The following LGR4 variants were observed in gnomAD, a reference collection of about 807,000 sequenced individuals.
LGR4 encodes leucine-rich repeat-containing G protein-coupled receptor 4.
LGR4 carries 44 observed loss-of-function variants against 84.8 expected under a neutral mutation model. That is an observed-to-expected ratio of 0.52 (90% CI 0.41 to 0.67). The LOEUF is 0.67. LGR4 is among the 30% of genes least tolerant of loss of function. LGR4 has a pLI of 0.00. For missense variants in LGR4, 1,032 were observed against 1,131.4 expected (o/e 0.91, Z 1.26); for synonymous variants, 429 against 434.3 (o/e 0.99, Z 0.15).
chr11:27,423,038 C>T (rs1000384430), intron 1 of LGR4, among the ~76,000 whole-genome samples: 8 of 151,970 alleles, frequency 5.3e-5, no homozygotes, highest in African/African-American at 1.9e-4. Context: ...AATGTTTATA[C>T]ATAACCTGAT....
In LGR4 at chr11:27,382,324, TAC is replaced by T. The variant is rs1163215129; in HGVS notation, c.690-70_690-69del. On this transcript the variant is annotated intron_variant, in intron 6 of 17. Transcript: ENST00000379214. ...GGTCATAATTCATAAGGCATTTTGTTACAGACAAGTATTTTTTTAAATCATAT... is the reference window on the plus strand; with the variant it reads ...GGTCATAATTCATAAGGCATTTTGTTAGACAAGTATTTTTTTAAATCATAT... 15 of 1,009,544 alleles carry T rather than the reference TAC, an allele frequency of 1.5e-5. No homozygotes were observed. The African/African-American group carries it at 1.6e-4, about 11-fold the overall frequency. 62.5% of individuals were successfully genotyped at this position (1,009,544 alleles called of 1,614,324 possible).
chr11:27,425,158 A>G (rs553749521), intron 1 of LGR4, among the ~76,000 whole-genome samples: 1 of 152,306 alleles, frequency 6.6e-6, no homozygotes, highest in African/African-American at 2.4e-5. Context: ...TGACAATCAG[A>G]AATAAAGTAA....
chr11:27,382,237 A>C lies in LGR4; in HGVS notation c.709T>G (p.Leu237Val). ...TTAATAGCCTGAGGAAATTCCCCCA[A>C]GTTATTATAATTCAAGTCTCTAGAA... Reference protein sequence around the residue: ...LETLDLNYNNLGEFPQAIKAL... With the variant: ...LETLDLNYNNVGEFPQAIKAL... Residue 237 changes from leucine (L) to valine (V), a missense_variant, in exon 7 of 18, where the codon TTG becomes GTG. By Grantham distance (32) the Leu-to-Val change is conservative (BLOSUM62 1). Transcript: ENST00000379214. 1 of 1,607,742 alleles carries C rather than the reference A, an allele frequency of 6.2e-7. No individual in the cohort carries two copies. The highest frequency in any genetic ancestry group is 1.1e-5 in the South Asian group (1 of 90,834).
At chr11:27,394,253 C>A (rs1863344437) in intron 2 of LGR4, among the ~76,000 whole-genome samples, 1 of 152,090 alleles carries the variant, frequency 6.6e-6, no homozygotes, top group Non-Finnish European at 1.5e-5. Context: ...CCTTCACCTC[C>A]CAGGGCTCAC....
At chr11:27,385,934 T>A (rs375866810) in intron 4 of LGR4, among the ~76,000 whole-genome samples, 11 of 152,256 alleles carry the variant, frequency 7.2e-5, no homozygotes, top group African/African-American at 2.6e-4. Context: ...AGAGAAATAT[T>A]AGAAAATACT....
chr11:27,399,474 T>C (rs1482317567), intron 2 of LGR4, among the ~76,000 whole-genome samples: 1 of 152,084 alleles, frequency 6.6e-6, no homozygotes, highest in Non-Finnish European at 1.5e-5. Flanking sequence ...TTATTAAATG[T>C]AATTTGAAAT....
At chr11:27,386,362 G>A (rs1420818391) in intron 4 of LGR4, among the ~76,000 whole-genome samples, 1 of 152,192 alleles carries the variant, frequency 6.6e-6, no homozygotes, top group African/African-American at 2.4e-5. Flanking sequence ...TTAATATGAT[G>A]AGGGACACTA....
At chr11:27,425,873 T>C (rs1225117594) in intron 1 of LGR4, among the ~76,000 whole-genome samples, 2 of 152,186 alleles carry the variant, frequency 1.3e-5, no homozygotes, top group Non-Finnish European at 2.9e-5. Context: ...GTAAAGTTTA[T>C]AAATATCTCT....
chr11:27,433,299 G>A (rs1036252677), intron 1 of LGR4, among the ~76,000 whole-genome samples: 3 of 152,164 alleles, frequency 2.0e-5, no homozygotes, highest in Non-Finnish European at 2.9e-5. Flanking sequence ...TACAAGCTCC[G>A]CCTCCCGGGT....
intron 2 of LGR4, among the ~76,000 whole-genome samples, chr11:27,407,043 T>C (rs893156507): frequency 2.6e-5 from 4 of 152,180 alleles, no homozygotes; most frequent in African/African-American, 9.7e-5. Context: ...ATAGAAGAGA[T>C]GACATTGAAC....
At chr11:27,386,236 T>C (rs559653195) in intron 4 of LGR4, among the ~76,000 whole-genome samples, 1 of 152,370 alleles carries the variant, frequency 6.6e-6, no homozygotes, top group South Asian at 2.1e-4. Flanking sequence ...GGATTACTTA[T>C]ATTTAAAATT....
intron 1 of LGR4, among the ~76,000 whole-genome samples, chr11:27,433,896 T>C (rs902600049): frequency 6.6e-6 from 1 of 152,214 alleles, no homozygotes; most frequent in Non-Finnish European, 1.5e-5. Flanking sequence ...TCTGAGCTTC[T>C]AGTTTCTCTT....
At chr11:27,423,301 C>G (rs1863956611) in intron 1 of LGR4, among the ~76,000 whole-genome samples, 1 of 152,062 alleles carries the variant, frequency 6.6e-6, no homozygotes, top group African/African-American at 2.4e-5. Flanking sequence ...ATCCATATAC[C>G]CTGAAGACCA....
chr11:27,413,237 A>T (rs1863744423), intron 1 of LGR4, among the ~76,000 whole-genome samples: 1 of 152,098 alleles, frequency 6.6e-6, no homozygotes, highest in Non-Finnish European at 1.5e-5. Flanking sequence ...TGTAGAATTT[A>T]TAGGTGAGGG....
At chr11:27,414,525 G>A (rs539574233) in intron 1 of LGR4, among the ~76,000 whole-genome samples, 1 of 152,046 alleles carries the variant, frequency 6.6e-6, no homozygotes, top group South Asian at 2.1e-4. Flanking sequence ...TATGACCATA[G>A]AGACATACAT....
rs138014516 is a variant in LGR4, at chr11:27,471,112, A to T, written c.185+1006T>A. On this transcript the variant is annotated intron_variant, in intron 1 of 17. Coordinates refer to ENST00000379214, the MANE Select transcript of LGR4 (RefSeq NM_018490.5). ...GAAGCAATAAGAACACAAAAACCCT[A>T]CCCTGTTCCTCCTCTATCCGTGGCC... is the stretch of plus-strand genomic sequence containing the variant. Among the ~76,000 whole-genome samples, 285 of 151,682 alleles carry T rather than the reference A, an allele frequency of 1.9e-3. 1 individual carries two copies. Among genetic ancestry groups the T allele is most frequent in the African/African-American group, 5.5e-3 (227 of 41,318 alleles).
At chr11:27,437,731 A>C in intron 1 of LGR4, among the ~76,000 whole-genome samples, 1 of 150,052 alleles carries the variant, frequency 6.7e-6, no homozygotes, top group Non-Finnish European at 1.5e-5. Context: ...GCTAGGCACA[A>C]TGGCTCAAGC....
At chr11:27,391,509 C>G (rs113603389) in intron 3 of LGR4, among the ~76,000 whole-genome samples, 136 of 152,206 alleles carry the variant, frequency 8.9e-4, no homozygotes, top group Non-Finnish European at 1.6e-3. Flanking sequence ...GGAGCTATAA[C>G]AAGTTAACTG....
intron 4 of LGR4, among the ~76,000 whole-genome samples, chr11:27,388,210 T>G: frequency 6.6e-6 from 1 of 152,166 alleles, no homozygotes; most frequent in East Asian, 1.9e-4. Flanking sequence ...TGGTTAATCC[T>G]TATCTCTCAA....
Sources: allele counts gnomAD v4.1 joint callset (sites outside exome capture counted in the v4.1 genomes callset), GRCh38; gene constraint gnomAD v4.1.1; transcripts MANE v1.5; gene names NCBI Gene and HGNC (gene_info 2026-07-23, HGNC 2026-07-21).